NRG3: variants seen among roughly 807,000 people sequenced by gnomAD.
NRG3 encodes the protein pro-neuregulin-3, membrane-bound isoform.
Under a neutral mutation model 66.9 loss-of-function variants are expected in NRG3, and 31 were observed. The ratio of observed to expected loss-of-function variants is 0.46; its 90% confidence interval spans 0.35 to 0.63. NRG3 has a LOEUF of 0.63. NRG3 is among the 20% of genes least tolerant of loss of function. NRG3 has a pLI of 0.00. For synonymous variants in NRG3, 393 were observed against 359.4 expected (o/e 1.09, Z -1.06); for missense variants, 910 against 878.9 (o/e 1.04, Z -0.45).
At chr10:82,532,184 A>G (rs942975958) in intron 2 of NRG3, among the ~76,000 whole-genome samples, 19 of 151,732 alleles carry the variant, frequency 1.3e-4, no homozygotes, top group Non-Finnish European at 2.5e-4. Flanking sequence ...TATACAATAA[A>G]TTATTGTTAA....
chr10:81,876,217 C>G, intron 1 of NRG3, 54 bp downstream of exon 1: 1 of 1,510,440 alleles, frequency 6.6e-7, no homozygotes, highest in Non-Finnish European at 8.9e-7. Context: ...CCCTTCTGCC[C>G]TCCTGCTGTC....
chr10:82,258,573 G>A (rs2077858648), intron 1 of NRG3, among the ~76,000 whole-genome samples: 1 of 152,178 alleles, frequency 6.6e-6, no homozygotes, highest in Non-Finnish European at 1.5e-5. Context: ...AAATGGTGGA[G>A]TTACTTGTTT....
intron 1 of NRG3, among the ~76,000 whole-genome samples, chr10:82,335,610 G>C (rs1345360866): frequency 6.6e-6 from 1 of 152,032 alleles, no homozygotes; most frequent in East Asian, 1.9e-4. Context: ...TCATGCCACT[G>C]TACTTCATCC....
intron 2 of NRG3, among the ~76,000 whole-genome samples, chr10:82,679,024 C>A (rs1310991886): frequency 6.6e-6 from 1 of 152,082 alleles, no homozygotes; most frequent in Non-Finnish European, 1.5e-5. Context: ...AATTTTTATG[C>A]TTTGTTTTGT....
intron 1 of NRG3, among the ~76,000 whole-genome samples, chr10:82,094,634 A>AT (rs1476041357): frequency 6.6e-6 from 1 of 152,238 alleles, no homozygotes; most frequent in African/African-American, 2.4e-5. Context: ...ATGTGTGTAT[A>AT]TATATCTGTC....
At chr10:82,675,556 G>T (rs1287976505) in intron 2 of NRG3, among the ~76,000 whole-genome samples, 1 of 152,164 alleles carries the variant, frequency 6.6e-6, no homozygotes. Context: ...ATAATGACTG[G>T]CAATCCTTTA....
In NRG3 at chr10:82,963,184, G is replaced by A. The variant is rs150737301; in HGVS notation, c.1284+4109G>A. Among the ~76,000 whole-genome samples the A allele has an allele frequency of 6.5e-3, 989 of 152,294 alleles. 7 individuals are homozygous for A. Among genetic ancestry groups the A allele is most frequent in the African/African-American group, 0.021 (890 of 41,554 alleles). On this transcript the variant is annotated intron_variant, in intron 6 of 8. Transcript: ENST00000372141. ...CTAAAGGAGGTCACATGTGAATTGA[G>A]TTGTTGGCCTAAAGGAAAACAAACA...
At chr10:82,772,302 TTTCA>T (rs35732700) in intron 3 of NRG3, among the ~76,000 whole-genome samples, 40,054 of 150,508 alleles carry the variant, frequency 0.27, 5,505 homozygotes, top group African/African-American at 0.36. Flanking sequence ...TATAGTTACT[TTTCA>T]TTCATTCATT....
intron 2 of NRG3, among the ~76,000 whole-genome samples, chr10:82,376,286 C>A (rs980987790): frequency 3.3e-5 from 5 of 152,166 alleles, no homozygotes; most frequent in Admixed American, 1.3e-4. Context: ...AAATTTGGAT[C>A]TCTGTAAGTG....
At chr10:82,740,096 A>G (rs1270521630) in intron 3 of NRG3, among the ~76,000 whole-genome samples, 1 of 130,172 alleles carries the variant, frequency 7.7e-6, no homozygotes, top group East Asian at 2.2e-4. Flanking sequence ...TTTCCTATTT[A>G]TTTCCCTTCA....
intron 1 of NRG3, among the ~76,000 whole-genome samples, chr10:82,206,590 C>G (rs1007321267): frequency 2.0e-5 from 3 of 152,092 alleles, no homozygotes; most frequent in Non-Finnish European, 4.4e-5. Context: ...TGTGAACCAC[C>G]CTTGAAAACC....
intron 1 of NRG3, among the ~76,000 whole-genome samples, chr10:82,248,276 G>C (rs2077335288): frequency 6.6e-6 from 1 of 152,182 alleles, no homozygotes; most frequent in Non-Finnish European, 1.5e-5. Flanking sequence ...ACTGTGGCAT[G>C]TCAATTTATA....
chr10:82,535,902 CTTTTT>C (rs34319022), intron 2 of NRG3, among the ~76,000 whole-genome samples: 6 of 133,036 alleles, frequency 4.5e-5, no homozygotes, highest in Non-Finnish European at 6.6e-5. Context: ...TTAAAGTAGT[CTTTTT>C]TTTTTTTTTT....
At chr10:82,196,256 A>G (rs187410630) in intron 1 of NRG3, among the ~76,000 whole-genome samples, 11 of 152,304 alleles carry the variant, frequency 7.2e-5, no homozygotes, top group African/African-American at 2.6e-4. Flanking sequence ...CAGTTTTTAA[A>G]CAGAACCCCT....
intron 3 of NRG3, among the ~76,000 whole-genome samples, chr10:82,758,969 G>C (rs1223078362): frequency 3.3e-5 from 5 of 151,912 alleles, no homozygotes; most frequent in Non-Finnish European, 7.4e-5. Context: ...ATCTTGAACT[G>C]CTATGCTTTG....
rs183051431 is a variant in NRG3 at position 82,764,712 on chromosome 10, G to A, written c.1027+26062G>A. On this transcript the variant is annotated intron_variant, in intron 3 of 8. Transcript: ENST00000372141. ...AATTTTTAAAAAAGATAATATGATA[G>A]GGAAATTATTTCTTTTTGTAAAAGC... Among the ~76,000 whole-genome samples the A allele has an allele frequency of 1.6e-3, 241 of 152,178 alleles. 3 individuals carry two copies. Among genetic ancestry groups the A allele is most frequent in the Non-Finnish European group, 2.9e-3 (199 of 67,988 alleles).
chr10:81,900,546 G>T (rs981478851), intron 1 of NRG3, among the ~76,000 whole-genome samples: 2 of 152,206 alleles, frequency 1.3e-5, no homozygotes, highest in Non-Finnish European at 2.9e-5. Flanking sequence ...TGCTAATGAC[G>T]CTGGGGTTTT....
intron 1 of NRG3, among the ~76,000 whole-genome samples, chr10:82,172,141 G>A (rs2072670519): frequency 1.3e-5 from 2 of 152,194 alleles, no homozygotes; most frequent in Non-Finnish European, 2.9e-5. Flanking sequence ...GAGGAAGTGA[G>A]ACTCAAGCTT....
chr10:82,627,563 C>G (rs1237024240), intron 2 of NRG3, among the ~76,000 whole-genome samples: 1 of 152,066 alleles, frequency 6.6e-6, no homozygotes, highest in Non-Finnish European at 1.5e-5. Context: ...GAATGATAAA[C>G]TTTATCATAT....
Sources: allele counts gnomAD v4.1 joint callset (sites outside exome capture counted in the v4.1 genomes callset), GRCh38; gene constraint gnomAD v4.1.1; transcripts MANE v1.5; gene names NCBI Gene and HGNC (gene_info 2026-07-23, HGNC 2026-07-21).